FUT8: variants seen among roughly 807,000 people sequenced by gnomAD.
The protein encoded by FUT8 is fucosyltransferase 8, also known as alpha-(1,6)-fucosyltransferase.
In FUT8, 29 loss-of-function variants were observed where a neutral mutation model predicts 71.3. The observed-to-expected ratio is 0.41, with a 90% CI of 0.30 to 0.55. The LOEUF is 0.55. FUT8 is among the 20% of genes least tolerant of loss of function. The pLI is 0.34. For missense variants in FUT8, 544 were observed against 702.1 expected (o/e 0.77, Z 2.55); for synonymous variants, 254 against 239.3 (o/e 1.06, Z -0.57).
intron 7 of FUT8, among the ~76,000 whole-genome samples, chr14:65,700,809 A>G (rs1452602947): frequency 6.6e-6 from 1 of 152,166 alleles, no homozygotes; most frequent in African/African-American, 2.4e-5. Flanking sequence ...ACTGCCTCTC[A>G]GCGTTCATCT....
chr14:65,384,533 A>T, the FUT8 span, among the ~76,000 whole-genome samples: 1 of 152,162 alleles, frequency 6.6e-6, no homozygotes, highest in Non-Finnish European at 1.5e-5. The surrounding 1 kb of genome is among the most constrained non-coding windows in gnomAD (Gnocchi z 4.2). Context: ...TCAATTCTCT[A>T]TGTTACTTTA....
intron 6 of FUT8, among the ~76,000 whole-genome samples, chr14:65,653,270 A>G (rs1891500123): frequency 6.6e-6 from 1 of 152,144 alleles, no homozygotes; most frequent in African/African-American, 2.4e-5. Context: ...AGTCTGCTAC[A>G]GTGCCTTATA....
intron 1 of FUT8, among the ~76,000 whole-genome samples, chr14:65,438,722 A>G (rs1290448499): frequency 6.6e-6 from 1 of 152,172 alleles, no homozygotes; most frequent in Non-Finnish European, 1.5e-5. Context: ...CATCTAAGGC[A>G]TCTTCCCTTC....
chr14:65,531,943 A>C (rs575453529), intron 2 of FUT8, among the ~76,000 whole-genome samples: 1 of 152,206 alleles, frequency 6.6e-6, no homozygotes, highest in African/African-American at 2.4e-5. Context: ...ACTGCAAAGT[A>C]CATGATCTCA....
intron 9 of FUT8, among the ~76,000 whole-genome samples, chr14:65,731,236 G>A (rs991573462): frequency 2.6e-5 from 4 of 152,294 alleles, no homozygotes; most frequent in South Asian, 2.1e-4. Context: ...ATTTAGATAC[G>A]TCTCCTGAAG....
chr14:65,536,943 T>A (rs1884352834), intron 2 of FUT8, among the ~76,000 whole-genome samples: 1 of 150,842 alleles, frequency 6.6e-6, no homozygotes, highest in Non-Finnish European at 1.5e-5. Context: ...GTTTTGCTAT[T>A]CCCTTTTGTT....
intron 6 of FUT8, among the ~76,000 whole-genome samples, chr14:65,645,683 C>T (rs1301145306): frequency 3.3e-5 from 5 of 152,196 alleles, no homozygotes; most frequent in Admixed American, 3.3e-4. Flanking sequence ...GCTTGTGCTA[C>T]ATTTTTAATT....
intron 3 of FUT8, among the ~76,000 whole-genome samples, chr14:65,604,400 A>G (rs892097985): frequency 8.6e-5 from 13 of 151,972 alleles, no homozygotes; most frequent in Admixed American, 8.5e-4. Flanking sequence ...TATATCAAGT[A>G]CTCTCTTAGA....
At chr14:65,442,433 G>A (rs1180298689) in intron 1 of FUT8, among the ~76,000 whole-genome samples, 1 of 151,884 alleles carries the variant, frequency 6.6e-6, no homozygotes, top group East Asian at 1.9e-4. Context: ...GCCTCCCAAA[G>A]TGCTGGGATT....
In FUT8 at chr14:65,634,561, TAA is replaced by T. The variant is rs35052434; in HGVS notation, c.597+4974_597+4975del. On this transcript the variant is annotated intron_variant, in intron 6 of 10. Transcript: ENST00000673929. Reference sequence around the variant, plus strand: ...CGAGAAACACCCAAGAATGATCAATTAAAAAAAAAAAAAAAAAAAAGAAAAGG... The same window carrying T: ...CGAGAAACACCCAAGAATGATCAATTAAAAAAAAAAAAAAAAAAGAAAAGG... Among the ~76,000 whole-genome samples the T allele has an allele frequency of 5.4e-3, 675 of 123,994 alleles. 5 individuals are homozygous for T. Among genetic ancestry groups the T allele is most frequent in the African/African-American group, 0.018 (619 of 33,990 alleles). 81.3% of individuals were successfully genotyped at this position (123,994 alleles called of 152,430 possible). A position where few individuals can be genotyped will look rare whatever the true frequency, so the allele number is the denominator to read the frequency against.
chr14:65,736,074 C>T (rs1896201526), intron 10 of FUT8, among the ~76,000 whole-genome samples: 1 of 152,066 alleles, frequency 6.6e-6, no homozygotes, highest in African/African-American at 2.4e-5. Context: ...TATTTGCATC[C>T]AACTTTGACC....
At position 65,650,117 on chromosome 14, in the gene FUT8, A is replaced by G. The variant is rs1425640696; in HGVS notation, c.598-19126A>G. ...CAAGACCATCCTCGCTAACACAGTG[A>G]AACCCCGTCTCTACTAAAAATACAA... On this transcript the variant is annotated intron_variant, in intron 6 of 10. Coordinates refer to ENST00000673929, the MANE Select transcript of FUT8 (RefSeq NM_001371533.1). Among the ~76,000 whole-genome samples, 3 of 152,160 alleles carry G rather than the reference A, an allele frequency of 2.0e-5. No individual in the cohort carries two copies. In the South Asian group the frequency reaches 6.2e-4, roughly 32 times the overall value.
chr14:65,412,225 G>C (rs746889636), upstream of FUT8: 43 of 456,628 alleles, frequency 9.4e-5, no homozygotes, highest in Non-Finnish European at 1.7e-4. Flanking sequence ...GCCATTGTAG[G>C]ATCGCGCTGG....
chr14:65,701,249 T>A (rs1894278438), intron 7 of FUT8, among the ~76,000 whole-genome samples: 1 of 152,216 alleles, frequency 6.6e-6, no homozygotes, highest in Non-Finnish European at 1.5e-5. Context: ...AAATTTTTTA[T>A]CCCTAATTAT....
rs778822475 is a variant in FUT8, at chr14:65,586,760, CAAAT to C, written c.203+24998_203+25001del. 2.8e-4 allele frequency among the ~76,000 whole-genome samples: 43 copies of C among 152,218 alleles called. 1 individual carries two copies. Among genetic ancestry groups the C allele is most frequent in the Middle Eastern group, 6.8e-3 (2 of 294 alleles). On this transcript the variant is annotated intron_variant, in intron 3 of 10. Transcript: ENST00000673929. ...ATTTTCACTGAATTTGTGCTTCTATCAAATAAAAGTAAAATTAAATGTACTATAT... is the reference window on the plus strand; with the variant it reads ...ATTTTCACTGAATTTGTGCTTCTATCAAAAGTAAAATTAAATGTACTATAT...
chr14:65,428,192 TA>T (rs1883363801), intron 1 of FUT8, among the ~76,000 whole-genome samples: 2 of 152,232 alleles, frequency 1.3e-5, no homozygotes, highest in African/African-American at 4.8e-5. Flanking sequence ...TCTTAAAAGG[TA>T]CATTAACTCT....
rs547478569 is a variant in FUT8, at chr14:65,472,007, T to G, written c.-228+16289T>G. Among the ~76,000 whole-genome samples, 1 of 152,178 alleles carries G rather than the reference T, an allele frequency of 6.6e-6. No individual in the cohort carries two copies. Among genetic ancestry groups the G allele is most frequent in the Non-Finnish European group, 1.5e-5 (1 of 68,034 alleles). ...ATTAAAAAACTTCTCCAGAGGGAAG[T>G]TGATCATAGGACTGATTCTTATTAT... On this transcript the variant is annotated intron_variant, in intron 2 of 10. Transcript: ENST00000673929. This position sits in a 1 kb window ranked among gnomAD's most constrained non-coding sequence, Gnocchi z 4.4.
intron 5 of FUT8, among the ~76,000 whole-genome samples, chr14:65,628,591 G>A (rs1254055640): frequency 6.6e-6 from 1 of 152,082 alleles, no homozygotes; most frequent in African/African-American, 2.4e-5. Context: ...AGAGACTCTT[G>A]CTTTTTACTT....
chr14:65,634,365 A>G (rs543321955), intron 6 of FUT8, among the ~76,000 whole-genome samples: 8 of 152,140 alleles, frequency 5.3e-5, no homozygotes, highest in South Asian at 4.2e-4. Flanking sequence ...CTTGAAGGCA[A>G]CATGCTCGTT....
Sources: gnomAD v4.1 joint callset for allele counts (sites outside exome capture counted in the v4.1 genomes callset) on GRCh38, gnomAD v4.1.1 for gene constraint, Gnocchi (gnomAD v3.1) non-coding constraint, MANE v1.5 for transcripts, NCBI Gene and HGNC (gene_info 2026-07-23, HGNC 2026-07-21) for gene names.